The following ATE1 variants were observed in gnomAD, a reference collection of about 807,000 sequenced individuals.
ATE1 encodes the protein arginyltransferase 1, also known as arginyl-tRNA--protein transferase 1.
A neutral mutation model predicts 70.5 loss-of-function variants in ATE1; 36 were observed. The observed-to-expected ratio is 0.51, with a 90% CI of 0.39 to 0.67. The LOEUF is 0.67. ATE1 is among the 30% of genes least tolerant of loss of function. The probability of loss-of-function intolerance (pLI) is 0.00; values close to 1 mark genes in which losing one functional copy is unlikely to be tolerated. For synonymous variants in ATE1, 232 were observed against 219.3 expected, an observed-to-expected ratio of 1.06 and a Z score of -0.51; for missense variants, 593 against 629.5, an observed-to-expected ratio of 0.94 and a Z score of 0.62.
intron 8 of ATE1, among the ~76,000 whole-genome samples, chr10:121,864,150 A>T (rs185023887): frequency 1.3e-5 from 2 of 152,206 alleles, no homozygotes; most frequent in Non-Finnish European, 2.9e-5. Flanking sequence ...CTCATTAGCT[A>T]ATGTATGACA....
chr10:121,849,447 A>G (rs1948971710), intron 8 of ATE1, among the ~76,000 whole-genome samples: 1 of 152,188 alleles, frequency 6.6e-6, no homozygotes, highest in East Asian at 1.9e-4. Flanking sequence ...GAGTCCAGTC[A>G]TAACCAGTTT....
At position 121,878,247 on chromosome 10, in the gene ATE1, T is replaced by C. The variant is rs562398162; in HGVS notation, c.943-8209A>G. On this transcript the variant is annotated intron_variant, in intron 7 of 11. Transcript: ENST00000224652. ...AGGGCCACGAGGGAGCCTTCTAGCA[T>C]GCTGAAAATGTTCTCTCTTAATCCG... Among the ~76,000 whole-genome samples, 15 of 152,262 alleles carry C rather than the reference T, an allele frequency of 9.9e-5. No individual in the cohort carries two copies. In the South Asian group the frequency reaches 1.9e-3, roughly 19 times the overall value.
intron 7 of ATE1, among the ~76,000 whole-genome samples, chr10:121,875,507 G>A (rs1950024109): frequency 6.6e-6 from 1 of 151,966 alleles, no homozygotes; most frequent in Admixed American, 6.6e-5. Flanking sequence ...GTTTCACCAT[G>A]TTGGCTAGGC....
chr10:121,859,482 T>C (rs1949390651), intron 8 of ATE1, among the ~76,000 whole-genome samples: 1 of 151,972 alleles, frequency 6.6e-6, no homozygotes, highest in Non-Finnish European at 1.5e-5. Flanking sequence ...GGTCTCAATC[T>C]CCTGACCTCG....
intron 10 of ATE1, among the ~76,000 whole-genome samples, chr10:121,824,668 C>T (rs145895431): frequency 3.9e-5 from 6 of 152,174 alleles, no homozygotes; most frequent in Admixed American, 3.9e-4. Flanking sequence ...ATCATGATAC[C>T]AAACAGACCG....
intron 10 of ATE1, among the ~76,000 whole-genome samples, chr10:121,797,208 C>T (rs1399809588): frequency 6.6e-6 from 1 of 152,128 alleles, no homozygotes; most frequent in Non-Finnish European, 1.5e-5. Flanking sequence ...AGAGACTTTC[C>T]CTCAGTTAAA....
chr10:121,791,933 T>C (rs1946469838), intron 10 of ATE1, among the ~76,000 whole-genome samples: 1 of 152,204 alleles, frequency 6.6e-6, no homozygotes. Context: ...ACGGAAAGGC[T>C]CTATACCAGG....
At chr10:121,848,445 C>T (rs989800582) in intron 8 of ATE1, among the ~76,000 whole-genome samples, 7 of 149,188 alleles carry the variant, frequency 4.7e-5, no homozygotes, top group Non-Finnish European at 1.0e-4. Flanking sequence ...GGCAAAACCC[C>T]GTCTCTACTA....
chr10:121,837,349 TCAC>T lies in ATE1; in HGVS notation c.1158-535_1158-533del, dbSNP rs1016902936. On this transcript the variant is annotated intron_variant, in intron 9 of 11. Coordinates refer to ENST00000224652, the MANE Select transcript of ATE1 (RefSeq NM_001001976.3). ...AGACAGCAGGAAATACCATGTTATC[TCAC>T]CACATTTTCTGTATTTGTTGGAATA... Among the ~76,000 whole-genome samples the T allele has an allele frequency of 8.5e-5, 13 of 152,344 alleles. No individual in the cohort carries two copies. In the South Asian group the frequency reaches 1.4e-3, roughly 17 times the overall value.
chr10:121,927,962 G>C lies in ATE1; in HGVS notation c.-13C>G, dbSNP rs760593731. 6.6e-6 allele frequency: 10 copies of C among 1,519,966 alleles called. No individual in the cohort carries two copies. Among genetic ancestry groups the C allele is most frequent in the Non-Finnish European group, 8.8e-6 (10 of 1,134,598 alleles). 94.2% of individuals were successfully genotyped at this position (1,519,966 alleles called of 1,614,324 possible). On this transcript the variant is annotated 5_prime_UTR_variant, in exon 1 of 12. Coordinates refer to ENST00000224652, the MANE Select transcript of ATE1 (RefSeq NM_001001976.3). ...CCCAGAAAGCCATGGCCTCGGCCCCGCGAACGCTCAGCCGCCCGGCCCCGC... is the reference window on the plus strand; with the variant it reads ...CCCAGAAAGCCATGGCCTCGGCCCCCCGAACGCTCAGCCGCCCGGCCCCGC...
In ATE1 at chr10:121,885,260, C is replaced by CAAA. The variant is rs1212899309; in HGVS notation, c.942+14603_942+14605dup. Among the ~76,000 whole-genome samples the CAAA allele has an allele frequency of 4.5e-3, 149 of 33,266 alleles. 1 individual carries two copies. Among genetic ancestry groups the CAAA allele is most frequent in the African/African-American group, 7.6e-3 (67 of 8,854 alleles). 21.8% of individuals were successfully genotyped at this position (33,266 alleles called of 152,430 possible). ...TGGGCAACAGAGCGAGACTCCGTCT[C>CAAA]AAAAAAAAAAAAAAAAAAAAAAAAA... On this transcript the variant is annotated intron_variant, in intron 7 of 11. Coordinates refer to ENST00000224652, the MANE Select transcript of ATE1 (RefSeq NM_001001976.3).
chr10:121,751,511 C>T (rs1012757881), intron 11 of ATE1, among the ~76,000 whole-genome samples: 1 of 152,196 alleles, frequency 6.6e-6, no homozygotes, highest in African/African-American at 2.4e-5. Flanking sequence ...CCTTCTTAGT[C>T]GGTGCATAGC....
At chr10:121,767,141 C>G (rs1474942298) in intron 11 of ATE1, among the ~76,000 whole-genome samples, 1 of 152,194 alleles carries the variant, frequency 6.6e-6, no homozygotes, top group Non-Finnish European at 1.5e-5. Context: ...CAAATCAATG[C>G]TATCCACCAT....
chr10:121,873,578 A>G (rs1034344109), intron 7 of ATE1, among the ~76,000 whole-genome samples: 4 of 152,062 alleles, frequency 2.6e-5, no homozygotes, highest in Non-Finnish European at 5.9e-5. Flanking sequence ...TACAATCAGT[A>G]AGTTCTTTTT....
intron 8 of ATE1, among the ~76,000 whole-genome samples, chr10:121,851,361 G>A (rs1016938449): frequency 1.3e-5 from 2 of 151,298 alleles, no homozygotes; most frequent in Non-Finnish European, 1.5e-5. Flanking sequence ...CAGAGGTTGC[G>A]GTGAAGCGAG....
intron 10 of ATE1, among the ~76,000 whole-genome samples, chr10:121,801,738 G>C (rs78724593): frequency 0.038 from 5,744 of 151,968 alleles, 342 homozygotes; most frequent in East Asian, 0.27. Flanking sequence ...AGAATCACTG[G>C]TTCTGCCATT....
At chr10:121,755,577 AT>A (rs1350001021) in intron 11 of ATE1, among the ~76,000 whole-genome samples, 1 of 152,196 alleles carries the variant, frequency 6.6e-6, no homozygotes, top group Non-Finnish European at 1.5e-5. Context: ...AGACTGGGCA[AT>A]TTACAAAAGA....
chr10:121,924,193 AT>A (rs1281704197), intron 2 of ATE1, 72 bp downstream of exon 2: 21 of 1,416,216 alleles, frequency 1.5e-5, no homozygotes, highest in Non-Finnish European at 2.1e-5. Flanking sequence ...ACAGGAAAGC[AT>A]TTCAAAGGCA....
intron 11 of ATE1, among the ~76,000 whole-genome samples, chr10:121,781,876 T>A (rs1026267660): frequency 9.2e-5 from 14 of 152,208 alleles, no homozygotes; most frequent in African/African-American, 3.4e-4. Context: ...TTCAAACGAA[T>A]GCCAGCTAGG....
Sources: gnomAD v4.1 joint callset for allele counts (sites outside exome capture counted in the v4.1 genomes callset) on GRCh38, gnomAD v4.1.1 for gene constraint, MANE v1.5 for transcripts, NCBI Gene and HGNC (gene_info 2026-07-23, HGNC 2026-07-21) for gene names.